The following MAGI3 variants were observed in gnomAD, a reference collection of about 807,000 sequenced individuals.
The protein encoded by MAGI3 is membrane associated guanylate kinase, WW and PDZ domain containing 3.
In MAGI3, 43 loss-of-function variants were observed where a neutral mutation model predicts 121.8. The ratio of observed to expected loss-of-function variants is 0.35; its 90% CI spans 0.28 to 0.46. The LOEUF is 0.46. MAGI3 is among the 20% of genes least tolerant of loss of function. The probability of loss-of-function intolerance (pLI) is 1.00; values close to 1 mark genes in which losing one functional copy is unlikely to be tolerated. For synonymous variants in MAGI3, 553 were observed against 639.3 expected, an observed-to-expected ratio of 0.86 and a Z score of 2.04; for missense variants, 1,547 against 1,797.3, an observed-to-expected ratio of 0.86 and a Z score of 2.52.
intron 2 of MAGI3, among the ~76,000 whole-genome samples, chr1:113,564,069 G>A (rs1239420222): frequency 6.6e-6 from 1 of 152,148 alleles, no homozygotes; most frequent in Non-Finnish European, 1.5e-5. Flanking sequence ...TAACAATTCT[G>A]TATATTAAAC....
rs972397430 is a variant in MAGI3, at chr1:113,512,449, T to C, written c.317-37066T>C. 5.3e-5 allele frequency among the ~76,000 whole-genome samples: 8 copies of C among 152,350 alleles called. No homozygotes were observed. The South Asian group carries it at 1.2e-3, about 24-fold the overall frequency. On this transcript the variant is annotated intron_variant, in intron 1 of 20. Coordinates refer to ENST00000307546, the MANE Select transcript of MAGI3 (RefSeq NM_001142782.2). ...CTACAAAACCATCTACAGATCTTTG[T>C]GTTCTTTTTATTCTTTCTCCTCAAC...
intron 1 of MAGI3, among the ~76,000 whole-genome samples, chr1:113,504,295 A>G (rs1433064847): frequency 4.6e-5 from 7 of 152,156 alleles, no homozygotes; most frequent in African/African-American, 1.7e-4. Flanking sequence ...AATTCAGAAA[A>G]TAAAATATTT....
chr1:113,564,548 G>A (rs1402915364), intron 2 of MAGI3, among the ~76,000 whole-genome samples: 2 of 152,040 alleles, frequency 1.3e-5, no homozygotes, highest in Non-Finnish European at 2.9e-5. Context: ...ATCTCTACTT[G>A]ATACAGATGT....
At chr1:113,489,153 T>C (rs1656548898) in intron 1 of MAGI3, among the ~76,000 whole-genome samples, 1 of 151,574 alleles carries the variant, frequency 6.6e-6, no homozygotes, top group Admixed American at 6.6e-5. Context: ...TGACCAGCGG[T>C]CTGGGAACAC....
intron 1 of MAGI3, among the ~76,000 whole-genome samples, chr1:113,436,065 T>C (rs1236865038): frequency 6.6e-6 from 1 of 152,142 alleles, no homozygotes; most frequent in Non-Finnish European, 1.5e-5. Context: ...AGGAAAGTTA[T>C]GTCAGATGAA....
intron 1 of MAGI3, among the ~76,000 whole-genome samples, chr1:113,471,538 C>T (rs1655537906): frequency 6.6e-6 from 1 of 152,064 alleles, no homozygotes; most frequent in Non-Finnish European, 1.5e-5. Context: ...CTGCTTGAGG[C>T]TGTTTTACAG....
At chr1:113,523,888 C>A (rs986696974) in intron 1 of MAGI3, among the ~76,000 whole-genome samples, 1 of 152,112 alleles carries the variant, frequency 6.6e-6, no homozygotes, top group Non-Finnish European at 1.5e-5. Context: ...TTGCGGCAGC[C>A]CCTTCCATCA....
intron 12 of MAGI3, among the ~76,000 whole-genome samples, chr1:113,646,959 TATACAA>T (rs1378304724): frequency 1.3e-5 from 2 of 152,148 alleles, no homozygotes; most frequent in Non-Finnish European, 2.9e-5. Flanking sequence ...AATCAAATAG[TATACAA>T]ATAAGTACAC....
At chr1:113,618,458 G>A (rs1443788119) in intron 7 of MAGI3, 7 of 427,224 alleles carry the variant, frequency 1.6e-5, no homozygotes, top group African/African-American at 1.3e-4. Flanking sequence ...AAATTCTCAT[G>A]ATTTGGTATT....
intron 7 of MAGI3, among the ~76,000 whole-genome samples, chr1:113,619,378 AC>A (rs2101784024): frequency 6.6e-6 from 1 of 152,234 alleles, no homozygotes; most frequent in East Asian, 1.9e-4. Context: ...TTAAATTAAA[AC>A]CCTTCTATCA....
At chr1:113,560,933 A>G (rs1302878080) in intron 2 of MAGI3, among the ~76,000 whole-genome samples, 1 of 152,222 alleles carries the variant, frequency 6.6e-6, no homozygotes, top group Non-Finnish European at 1.5e-5. Flanking sequence ...AAGGGGGAAT[A>G]CCACCACTGA....
At chr1:113,636,221 A>G (rs1168807236) in intron 9 of MAGI3, among the ~76,000 whole-genome samples, 1 of 151,646 alleles carries the variant, frequency 6.6e-6, no homozygotes, top group East Asian at 1.9e-4. Context: ...TTGTGTCTCT[A>G]TTTCCTTCAG....
At chr1:113,606,128 G>A (rs556582358) in intron 6 of MAGI3, among the ~76,000 whole-genome samples, 44 of 151,970 alleles carry the variant, frequency 2.9e-4, no homozygotes, top group Middle Eastern at 3.4e-3. Flanking sequence ...ACCATGGCTG[G>A]CTAATTTTTG....
chr1:113,621,890 A>G (rs1557857409), intron 8 of MAGI3, among the ~76,000 whole-genome samples: 2 of 152,104 alleles, frequency 1.3e-5, no homozygotes, highest in South Asian at 2.1e-4. Context: ...TGAAATGCCT[A>G]TATTGGGCAC....
At chr1:113,489,860 A>G (rs1656586226) in intron 1 of MAGI3, among the ~76,000 whole-genome samples, 1 of 152,112 alleles carries the variant, frequency 6.6e-6, no homozygotes, top group South Asian at 2.1e-4. Context: ...AAAAGGAAGG[A>G]ACAAAACCTC....
intron 1 of MAGI3, among the ~76,000 whole-genome samples, chr1:113,475,596 T>C (rs1655774704): frequency 6.6e-6 from 1 of 152,208 alleles, no homozygotes; most frequent in Admixed American, 6.5e-5. Flanking sequence ...TTGATCGTTG[T>C]GGATAAGCTT....
intron 9 of MAGI3, among the ~76,000 whole-genome samples, chr1:113,629,761 TCC>T (rs1491231172): frequency 4.6e-4 from 14 of 30,536 alleles, no homozygotes; most frequent in African/African-American, 7.9e-4. Context: ...TCTCTCTCTC[TCC>T]CTCCCTCCCT....
At chr1:113,618,928 T>G (rs749378626) in intron 7 of MAGI3, among the ~76,000 whole-genome samples, 1 of 152,252 alleles carries the variant, frequency 6.6e-6, no homozygotes, top group Non-Finnish European at 1.5e-5. Flanking sequence ...ACATCTTTTT[T>G]ACAGCATTTC....
intron 1 of MAGI3, among the ~76,000 whole-genome samples, chr1:113,406,218 C>A (rs1470434534): frequency 6.7e-6 from 1 of 148,550 alleles, no homozygotes; most frequent in Admixed American, 6.8e-5. Context: ...GGTGGGAGGA[C>A]TGCTTGAGCC....
Sources: gnomAD v4.1 joint callset for allele counts (sites outside exome capture counted in the v4.1 genomes callset) on GRCh38, gnomAD v4.1.1 for gene constraint, MANE v1.5 for transcripts, NCBI Gene and HGNC (gene_info 2026-07-23, HGNC 2026-07-21) for gene names.